ARHGEF17: variants seen among roughly 807,000 people sequenced by gnomAD.
The protein encoded by ARHGEF17 is Rho guanine nucleotide exchange factor 17, also known as 164 kDa Rho-specific guanine-nucleotide exchange factor.
Under a neutral mutation model 174.0 loss-of-function variants are expected in ARHGEF17, and 80 were observed. The ratio of observed to expected loss-of-function variants is 0.46; its 90% CI spans 0.38 to 0.55. ARHGEF17 has a LOEUF of 0.55. ARHGEF17 is among the 20% of genes least tolerant of loss of function. ARHGEF17 has a pLI of 0.00. For missense variants in ARHGEF17, 2,886 were observed against 2,839.7 expected (o/e 1.02, Z -0.37); for synonymous variants, 1,311 against 1,189.1 (o/e 1.10, Z -2.11).
At chr11:73,357,787 C>T (rs187346604) in intron 9 of ARHGEF17, among the ~76,000 whole-genome samples, 46 of 152,352 alleles carry the variant, frequency 3.0e-4, no homozygotes, top group African/African-American at 9.6e-4. Context: ...AGGCAGCTTC[C>T]AGGAGCCGCT....
chr11:73,346,621 G>GGCAGAGGAGTGAGTGCCTAACTGTGCA (rs1209623682), intron 1 of ARHGEF17, among the ~76,000 whole-genome samples: 2 of 152,256 alleles, frequency 1.3e-5, no homozygotes, highest in Admixed American at 1.3e-4. Context: ...ATGGGGCAGG[G>GGCAGAGGAGTGAGTGCCTAACTGTGCA]GCAGAGGAGT....
intron 6 of ARHGEF17, 114 bp from the exon 7 acceptor site, chr11:73,356,595 T>C (rs979833676): frequency 1.5e-6 from 2 of 1,371,458 alleles, no homozygotes; most frequent in African/African-American, 2.8e-5. Flanking sequence ...GTGGGAAGCA[T>C]GCTGCTTCCA....
Position 73,309,136 on chromosome 11 carries a change from G to A in ARHGEF17, c.498G>A (p.Arg166=). The A allele has an allele frequency of 6.3e-7, 1 of 1,576,992 alleles. No individual in the cohort carries two copies. The highest frequency in any genetic ancestry group is 2.4e-5 in the East Asian group (1 of 41,230). ...GGGAGCCTCCGGCTCGGGAGTCGCG[G>A]CAGCCACCGACGCCACCCCCTCGGA... is the stretch of plus-strand genomic sequence containing the variant. ...AAWEPPARES[R]QPPTPPPRTC... Residue 166 remains arginine (R), a synonymous_variant, in exon 1 of 21, where the codon CGG becomes CGA. Transcript: ENST00000263674.
chr11:73,344,196 G>A (rs1865422581), intron 1 of ARHGEF17, among the ~76,000 whole-genome samples: 1 of 152,184 alleles, frequency 6.6e-6, no homozygotes, highest in Non-Finnish European at 1.5e-5. Context: ...TGGAACAGGT[G>A]GGCCTGCTGT....
chr11:73,359,430 G>A (rs1034554306), intron 9 of ARHGEF17, among the ~76,000 whole-genome samples: 2 of 152,246 alleles, frequency 1.3e-5, no homozygotes, highest in East Asian at 1.9e-4. Context: ...TTTGTGGGGC[G>A]ATGAGTCTCT....
rs1864806166 is a variant in ARHGEF17, at chr11:73,310,604, G to T, written c.1966G>T (p.Val656Phe). 6.2e-7 allele frequency: 1 copy of T among 1,614,136 alleles called. No individual in the cohort carries two copies. Among genetic ancestry groups the T allele is most frequent in the South Asian group, 1.1e-5 (1 of 91,086 alleles). The stretch of plus-strand genomic sequence containing the variant: ...CATTGGGGCAGACCCTGAGCCTCCT[G>T]TTGCAGCATTTTGCGGCCTGGGTAC... The part of the protein sequence containing the change: ...EGIGADPEPP[V>F]AAFCGLGTTG... Residue 656 changes from valine (V) to phenylalanine (F), a missense_variant, in exon 1 of 21, where the codon GTT becomes TTT. This residue lies in a region of ARHGEF17 where 1,728 missense variants were observed against 1,461.2 expected (regional missense o/e 1.18). Transcript: ENST00000263674.
At chr11:73,353,580 G>A (rs1865590648) in intron 3 of ARHGEF17, among the ~76,000 whole-genome samples, 2 of 152,160 alleles carry the variant, frequency 1.3e-5, no homozygotes, top group Admixed American at 1.3e-4. Flanking sequence ...TAAAGATAGT[G>A]ACTGAGACAT....
chr11:73,357,401 G>A, intron 9 of ARHGEF17, 74 bp downstream of exon 9: 1 of 1,379,734 alleles, frequency 7.2e-7, no homozygotes, highest in Non-Finnish European at 1.0e-6. Context: ...CTGAGCTCCA[G>A]CCAGTCTGGC....
Position 73,363,430 on chromosome 11 carries a change from G to T in ARHGEF17, c.5221G>T (p.Val1741Leu). ...CGACCCTGAGGCCTACCAGAGCTCC[G>T]TGTGGCTGGGCACTGAGGATGGCTG... ...SVDPEAYQSSVWLGTEDGCVH... is the reference protein window; with the variant it reads ...SVDPEAYQSSLWLGTEDGCVH... Residue 1741 changes from valine (V) to leucine (L), a missense_variant, in exon 15 of 21, where the codon GTG becomes TTG. Transcript: ENST00000263674. The T allele has an allele frequency of 6.2e-7, 1 of 1,613,194 alleles. No homozygotes were observed. Among genetic ancestry groups the T allele is most frequent in the Non-Finnish European group, 8.5e-7 (1 of 1,179,810 alleles).
At chr11:73,343,645 C>T (rs771626072) in intron 1 of ARHGEF17, among the ~76,000 whole-genome samples, 3 of 152,184 alleles carry the variant, frequency 2.0e-5, no homozygotes, top group Non-Finnish European at 4.4e-5. Context: ...TTTGCACCCC[C>T]ACTGCCATCC....
chr11:73,359,750 C>T (rs1193610556), intron 9 of ARHGEF17, 84 bp from the exon 10 acceptor site: 2 of 1,169,916 alleles, frequency 1.7e-6, no homozygotes, highest in Non-Finnish European at 2.4e-6. Flanking sequence ...CAGCTGCAGG[C>T]TATGCAGTGA....
At position 73,310,308 on chromosome 11, in the gene ARHGEF17, G is replaced by T. The variant is rs943291187; in HGVS notation, c.1670G>T (p.Arg557Leu). The change falls in exon 1 of 21, where the codon CGC becomes CTC. Residue 557 changes from arginine to leucine, a missense_variant. Physicochemically the swap from Arg to Leu is moderately radical, Grantham distance 102 (BLOSUM62 -2). Around this residue, in one of 4 missense-constraint regions of ARHGEF17, gnomAD observed 1,728 missense variants for 1,461.2 expected, o/e 1.18. Transcript: ENST00000263674. ...TGCTCTGAGAAGCCCATGGCCCGCC[G>T]CCTGCCCCGCACCAGTGCTCTGAAG... Reference protein sequence around the residue: ...FTCSEKPMARRLPRTSALKSS... With the variant: ...FTCSEKPMARLLPRTSALKSS... 2 of 1,613,762 alleles carry T rather than the reference G, an allele frequency of 1.2e-6. No homozygotes were observed. The highest frequency in any genetic ancestry group is 1.7e-5 in the Admixed American group (1 of 60,034).
intron 1 of ARHGEF17, among the ~76,000 whole-genome samples, chr11:73,333,042 G>C (rs894191235): frequency 1.6e-4 from 24 of 152,162 alleles, no homozygotes; most frequent in African/African-American, 5.3e-4. Flanking sequence ...TCTTTGTCTT[G>C]AGAACCTAAG....
At chr11:73,318,381 A>G (rs972445997) in intron 1 of ARHGEF17, among the ~76,000 whole-genome samples, 1 of 152,180 alleles carries the variant, frequency 6.6e-6, no homozygotes, top group African/African-American at 2.4e-5. Context: ...TCACCCCTGT[A>G]ATCCCAGCAC....
intron 12 of ARHGEF17, 90 bp from the exon 13 acceptor site, chr11:73,361,950 C>T (rs1437158395): frequency 4.7e-6 from 7 of 1,474,230 alleles, no homozygotes; most frequent in Non-Finnish European, 6.5e-6. Context: ...AGGCCTGCCT[C>T]CCTCCATTCT....
chr11:73,357,450 T>TGGATGAGAGAGCGAGG, intron 9 of ARHGEF17, 123 bp downstream of exon 9: 1 of 862,068 alleles, frequency 1.2e-6, no homozygotes, highest in Non-Finnish European at 1.8e-6. Context: ...GGCCTCGCTC[T>TGGATGAGAGAGCGAGG]CTCATCCAGT....
intron 1 of ARHGEF17, among the ~76,000 whole-genome samples, chr11:73,319,639 A>G (rs1864983805): frequency 1.3e-5 from 2 of 152,210 alleles, no homozygotes; most frequent in Non-Finnish European, 2.9e-5. Flanking sequence ...CTTCGAACTC[A>G]GGCCCACTGC....
chr11:73,360,679 GTGAAACATCAGAC>G lies in ARHGEF17; in HGVS notation c.4420+151_4420+163del, dbSNP rs2134420829. 6 of 813,046 alleles carry G rather than the reference GTGAAACATCAGAC, an allele frequency of 7.4e-6. No homozygotes were observed. In the Admixed American group the frequency reaches 1.5e-4, roughly 20 times the overall value. 50.4% of individuals were successfully genotyped at this position (813,046 alleles called of 1,614,324 possible). Reference sequence around the variant, plus strand: ...CCTGGTGGGGAGGGGGGCTTCTGCAGTGAAACATCAGACTGAATAATAGCTGTGGCCTCCCTGG... The same window carrying G: ...CCTGGTGGGGAGGGGGGCTTCTGCAGTGAATAATAGCTGTGGCCTCCCTGG... On this transcript the variant is annotated intron_variant, in intron 11 of 20. Coordinates refer to ENST00000263674, the MANE Select transcript of ARHGEF17 (RefSeq NM_014786.4).
At chr11:73,331,916 G>A (rs1865210382) in intron 1 of ARHGEF17, among the ~76,000 whole-genome samples, 1 of 152,174 alleles carries the variant, frequency 6.6e-6, no homozygotes, top group Admixed American at 6.5e-5. Flanking sequence ...GCCACCCAGA[G>A]ACTGAGGGGT....
Sources: allele counts gnomAD v4.1 joint callset (sites outside exome capture counted in the v4.1 genomes callset), GRCh38; gene constraint gnomAD v4.1.1; regional missense constraint gnomAD v4.1.1; transcripts MANE v1.5; gene names NCBI Gene and HGNC (gene_info 2026-07-23, HGNC 2026-07-21).